Variants in CCSER1 observed in about 807,000 individuals in gnomAD.
CCSER1 encodes serine-rich coiled-coil domain-containing protein 1.
CCSER1 carries 41 observed loss-of-function variants against 82.0 expected under a neutral mutation model. The ratio of observed to expected loss-of-function variants is 0.50; its 90% CI spans 0.39 to 0.65. The LOEUF is 0.65. CCSER1 is among the 30% of genes least tolerant of loss of function. CCSER1 has a pLI of 0.00. For missense variants in CCSER1, 1,119 were observed against 1,064.2 expected (o/e 1.05, Z -0.72); for synonymous variants, 414 against 383.9 (o/e 1.08, Z -0.92).
At chr4:90,279,106 T>G (rs1254302396) in intron 1 of CCSER1, among the ~76,000 whole-genome samples, 1 of 152,088 alleles carries the variant, frequency 6.6e-6, no homozygotes, top group African/African-American at 2.4e-5. Flanking sequence ...CATAAATATT[T>G]TCAGTACTTC....
intron 4 of CCSER1, among the ~76,000 whole-genome samples, chr4:90,426,892 T>A (rs560060018): frequency 6.6e-6 from 1 of 152,088 alleles, no homozygotes; most frequent in African/African-American, 2.4e-5. Flanking sequence ...TTCAAGTTGT[T>A]CTGAACCATT....
intron 8 of CCSER1, among the ~76,000 whole-genome samples, chr4:90,837,513 T>G (rs933796562): frequency 1.1e-4 from 17 of 152,180 alleles, no homozygotes; most frequent in African/African-American, 3.1e-4. Flanking sequence ...TAATACCTAT[T>G]TCATCATATT....
At chr4:90,988,916 T>A (rs1030220940) in intron 9 of CCSER1, among the ~76,000 whole-genome samples, 1 of 151,794 alleles carries the variant, frequency 6.6e-6, no homozygotes, top group East Asian at 1.9e-4. Flanking sequence ...TTTCCCTTTT[T>A]GAAAGTAAAC....
chr4:90,770,975 A>G (rs1005276799), intron 7 of CCSER1, among the ~76,000 whole-genome samples: 17 of 152,164 alleles, frequency 1.1e-4, no homozygotes, highest in African/African-American at 4.1e-4. Flanking sequence ...AATTTGTTTC[A>G]CAAGAAAAAA....
intron 1 of CCSER1, among the ~76,000 whole-genome samples, chr4:90,204,928 C>G (rs1738503973): frequency 6.6e-6 from 1 of 152,060 alleles, no homozygotes; most frequent in African/African-American, 2.4e-5. Flanking sequence ...AAGTTGTATT[C>G]CTAGGTATTT....
intron 1 of CCSER1, among the ~76,000 whole-genome samples, chr4:90,160,936 A>G (rs1385858560): frequency 6.6e-6 from 1 of 152,170 alleles, no homozygotes; most frequent in Non-Finnish European, 1.5e-5. Flanking sequence ...ATTTTTGCCA[A>G]ATACCACACA....
At chr4:90,996,955 T>A (rs1209260773) in intron 9 of CCSER1, among the ~76,000 whole-genome samples, 1 of 152,186 alleles carries the variant, frequency 6.6e-6, no homozygotes, top group Non-Finnish European at 1.5e-5. Context: ...GTAAAGCCAC[T>A]GTGAAATTTG....
chr4:91,127,079 C>T (rs1351460498), intron 10 of CCSER1, among the ~76,000 whole-genome samples: 5 of 151,990 alleles, frequency 3.3e-5, no homozygotes, highest in African/African-American at 4.8e-5. Context: ...CATCCCTGGA[C>T]AGCAACAAAC....
At position 90,973,200 on chromosome 4, in the gene CCSER1, A is replaced by G. The variant is rs573619436; in HGVS notation, c.2172+49753A>G. ...CAGCAAAAAGTTTGTGTACTAGCAA[A>G]GAAAACAATCAACAAAGTAAAATAA... is the stretch of plus-strand genomic sequence containing the variant. On this transcript the variant is annotated intron_variant, in intron 9 of 10. Coordinates refer to ENST00000509176, the MANE Select transcript of CCSER1 (RefSeq NM_001145065.2). Among the ~76,000 whole-genome samples the G allele has an allele frequency of 2.7e-4, 41 of 151,872 alleles. No individual in the cohort carries two copies. In the South Asian group the frequency reaches 7.7e-3, roughly 28 times the overall value.
intron 7 of CCSER1, among the ~76,000 whole-genome samples, chr4:90,760,360 T>C (rs947582468): frequency 1.3e-5 from 2 of 152,014 alleles, no homozygotes; most frequent in Admixed American, 6.6e-5. Flanking sequence ...CTAATTTGTA[T>C]TTTCCTGTCA....
intron 10 of CCSER1, among the ~76,000 whole-genome samples, chr4:91,527,410 T>C (rs532255185): frequency 1.2e-3 from 182 of 152,316 alleles, no homozygotes; most frequent in Non-Finnish European, 1.7e-3. Context: ...ATCACATCTG[T>C]ATTTGGATGA....
chr4:90,998,237 C>T (rs1294954022), intron 9 of CCSER1, among the ~76,000 whole-genome samples: 6 of 152,056 alleles, frequency 3.9e-5, no homozygotes, highest in African/African-American at 4.8e-5. Context: ...TGCGTCACCA[C>T]GTCCAGCTAA....
chr4:90,502,889 A>G (rs1023374366), intron 5 of CCSER1, among the ~76,000 whole-genome samples: 2 of 152,094 alleles, frequency 1.3e-5, no homozygotes, highest in Non-Finnish European at 2.9e-5. Context: ...TCTTTCCTCA[A>G]AGGTGTTTTC....
At chr4:90,933,656 GGTGTGA>G (rs1272654058) in intron 9 of CCSER1, among the ~76,000 whole-genome samples, 1 of 149,330 alleles carries the variant, frequency 6.7e-6, no homozygotes, top group Admixed American at 6.7e-5. Context: ...AAAAATACTT[GGTGTGA>G]GTGTATTATT....
chr4:90,607,344 A>G (rs922732007), intron 5 of CCSER1, among the ~76,000 whole-genome samples: 6 of 152,178 alleles, frequency 3.9e-5, no homozygotes, highest in African/African-American at 1.2e-4. Flanking sequence ...AGGAAGGAGC[A>G]TTTATTAGTT....
intron 9 of CCSER1, among the ~76,000 whole-genome samples, chr4:90,932,998 A>AGAGAGAGAG (rs1730285306): frequency 1.4e-5 from 1 of 72,038 alleles, no homozygotes; most frequent in South Asian, 3.4e-4. Flanking sequence ...GAAAGAAAGA[A>AGAGAGAGAG]AGAAAGAAAG....
At chr4:91,345,275 T>G (rs1211017050) in intron 10 of CCSER1, among the ~76,000 whole-genome samples, 1 of 152,072 alleles carries the variant, frequency 6.6e-6, no homozygotes, top group Non-Finnish European at 1.5e-5. Flanking sequence ...CTTCTCCAGC[T>G]GCTCAGGAGG....
chr4:91,337,495 G>C (rs956696642), intron 10 of CCSER1, among the ~76,000 whole-genome samples: 1 of 151,948 alleles, frequency 6.6e-6, no homozygotes, highest in Non-Finnish European at 1.5e-5. Flanking sequence ...TTTCCATATT[G>C]ATATTCCATG....
chr4:91,197,429 A>G (rs957300559), intron 10 of CCSER1, among the ~76,000 whole-genome samples: 15 of 152,280 alleles, frequency 9.9e-5, no homozygotes, highest in Middle Eastern at 3.4e-3. Flanking sequence ...CCTGCCCTAT[A>G]TGTTAGTAGT....
Sources: gnomAD v4.1 joint callset for allele counts (sites outside exome capture counted in the v4.1 genomes callset) on GRCh38, gnomAD v4.1.1 for gene constraint, MANE v1.5 for transcripts, NCBI Gene and HGNC (gene_info 2026-07-23, HGNC 2026-07-21) for gene names.